The following GRK5 variants were observed in gnomAD, a reference collection of about 807,000 sequenced individuals.
The protein encoded by GRK5 is G protein-coupled receptor kinase 5, also known as g protein-coupled receptor kinase GRK5.
A neutral mutation model predicts 78.4 loss-of-function variants in GRK5; 40 were observed. The observed-to-expected ratio is 0.51, with a 90% CI of 0.40 to 0.66. The LOEUF is 0.66. Among genes scored for constraint, GRK5 ranks in the 30% least tolerant of loss-of-function variants. The pLI is 0.00. For synonymous variants in GRK5, 289 were observed against 296.8 expected (o/e 0.97, Z 0.27); for missense variants, 598 against 759.9 (o/e 0.79, Z 2.50).
chr10:119,304,478 T>A (rs908506231), intron 1 of GRK5, among the ~76,000 whole-genome samples: 2 of 152,016 alleles, frequency 1.3e-5, no homozygotes, highest in African/African-American at 4.8e-5. Flanking sequence ...GTCTGTTGAG[T>A]GCTCACTGCA....
intron 1 of GRK5, among the ~76,000 whole-genome samples, chr10:119,247,046 C>T (rs1308163069): frequency 1.3e-5 from 2 of 152,166 alleles, no homozygotes; most frequent in African/African-American, 2.4e-5. Context: ...TTTTGTACCC[C>T]GTTGCTTTCT....
intron 9 of GRK5, 72 bp from the exon 10 acceptor site, chr10:119,439,659 T>C (rs1165936493): frequency 6.8e-6 from 10 of 1,476,742 alleles, no homozygotes; most frequent in Non-Finnish European, 9.5e-6. Context: ...GCCCGAGGGG[T>C]CGACCCAGAT....
intron 1 of GRK5, among the ~76,000 whole-genome samples, chr10:119,250,551 C>G (rs867216930): frequency 4.3e-5 from 6 of 139,970 alleles, no homozygotes; most frequent in Admixed American, 3.1e-4. Context: ...CAAGGTCTCA[C>G]TTTGTTGCCC....
intron 1 of GRK5, among the ~76,000 whole-genome samples, chr10:119,283,853 A>G (rs180848058): frequency 2.0e-5 from 3 of 152,350 alleles, no homozygotes; most frequent in Admixed American, 6.5e-5. Flanking sequence ...GAATGTTTCA[A>G]GGTTCATCTT....
intron 1 of GRK5, among the ~76,000 whole-genome samples, chr10:119,242,443 C>T (rs1849041501): frequency 6.6e-6 from 1 of 150,940 alleles, no homozygotes; most frequent in African/African-American, 2.4e-5. Context: ...CCTGGCCACA[C>T]CTGAGCTTGT....
Position 119,457,159 on chromosome 10 carries a change from G to GA in GRK5, c.*2096dup, listed in dbSNP as rs1853412255. The GA allele has an allele frequency of 6.6e-6, 1 of 152,044 alleles. No individual in the cohort carries two copies. Among genetic ancestry groups the GA allele is most frequent in the Non-Finnish European group, 1.5e-5 (1 of 68,002 alleles). 9.4% of individuals were successfully genotyped at this position (152,044 alleles called of 1,614,324 possible). A position where few individuals can be genotyped will look rare whatever the true frequency, so the allele number is the denominator to read the frequency against. On this transcript the variant is annotated 3_prime_UTR_variant, in exon 16 of 16. Transcript: ENST00000392870. The stretch of plus-strand genomic sequence containing the variant: ...CTCTTGCTGAACTTCCTTTTTCAAT[G>GA]AAAAGAAGGACCATCATCCTAGGAT...
chr10:119,272,464 T>C (rs1404844537), intron 1 of GRK5, among the ~76,000 whole-genome samples: 1 of 150,560 alleles, frequency 6.6e-6, no homozygotes, highest in Non-Finnish European at 1.5e-5. Context: ...TAATCCCAGC[T>C]ACTCAGGAGG....
chr10:119,273,691 G>C (rs941959786), intron 1 of GRK5, among the ~76,000 whole-genome samples: 3 of 152,204 alleles, frequency 2.0e-5, no homozygotes, highest in African/African-American at 7.2e-5. Flanking sequence ...TGGTGTTTAA[G>C]TGGCTGAGCC....
intron 1 of GRK5, among the ~76,000 whole-genome samples, chr10:119,226,594 G>C (rs977776113): frequency 6.6e-6 from 1 of 150,808 alleles, no homozygotes; most frequent in Non-Finnish European, 1.5e-5. Context: ...GCCCAGGCTG[G>C]AGTACAGTGG....
rs910659860 is a variant in GRK5, at chr10:119,379,054, C to A, written c.149-1761C>A. 6.6e-6 allele frequency among the ~76,000 whole-genome samples: 1 copy of A among 152,138 alleles called. No individual in the cohort carries two copies. The highest frequency in any genetic ancestry group is 2.4e-5 in the African/African-American group (1 of 41,414). Reference sequence around the variant, plus strand: ...TCAGCTCCCCTTTTAGATTCAGAGGCTTGGGTTGAATTGGTGCAGACTGGG... The same window carrying A: ...TCAGCTCCCCTTTTAGATTCAGAGGATTGGGTTGAATTGGTGCAGACTGGG... On this transcript the variant is annotated intron_variant, in intron 2 of 15. Coordinates refer to ENST00000392870, the MANE Select transcript of GRK5 (RefSeq NM_005308.3). The surrounding 1 kb of genome is among the most constrained non-coding windows in gnomAD (Gnocchi z 4.1).
intron 1 of GRK5, among the ~76,000 whole-genome samples, chr10:119,311,335 G>A (rs1350654811): frequency 6.6e-6 from 1 of 152,202 alleles, no homozygotes; most frequent in African/African-American, 2.4e-5. Context: ...AGATGAGACA[G>A]AGCCTGGCAG....
At chr10:119,310,505 GC>G (rs1850340445) in intron 1 of GRK5, among the ~76,000 whole-genome samples, 1 of 152,168 alleles carries the variant, frequency 6.6e-6, no homozygotes, top group Non-Finnish European at 1.5e-5. Context: ...ACCAGTGTGG[GC>G]AAAAACATCG....
intron 1 of GRK5, among the ~76,000 whole-genome samples, chr10:119,319,216 G>A (rs1197229431): frequency 6.6e-6 from 1 of 152,200 alleles, no homozygotes; most frequent in African/African-American, 2.4e-5. Context: ...GCAGCCGAGG[G>A]GGCCCCCAGG....
chr10:119,270,642 G>A (rs1849569358), intron 1 of GRK5, among the ~76,000 whole-genome samples: 1 of 152,226 alleles, frequency 6.6e-6, no homozygotes, highest in African/African-American at 2.4e-5. Flanking sequence ...GCAGGTGCAG[G>A]TCTGTCATGC....
intron 4 of GRK5, among the ~76,000 whole-genome samples, chr10:119,413,566 G>T (rs149199537): frequency 3.3e-5 from 5 of 151,926 alleles, no homozygotes; most frequent in African/African-American, 9.7e-5. Context: ...CTTGCTAAGC[G>T]TTCCGTCTGC....
intron 9 of GRK5, among the ~76,000 whole-genome samples, chr10:119,437,897 A>C (rs369611541): frequency 6.6e-6 from 1 of 152,170 alleles, no homozygotes; most frequent in Admixed American, 6.5e-5. Context: ...CAGTGGTTTG[A>C]GATCAGCCTG....
intron 1 of GRK5, among the ~76,000 whole-genome samples, chr10:119,295,066 T>C (rs10437460): frequency 0.19 from 28,440 of 151,770 alleles, 2,898 homozygotes; most frequent in South Asian, 0.24. Context: ...GGCATGCACC[T>C]GTAGTCCCAG....
At chr10:119,440,255 A>G (rs1311095337) in intron 10 of GRK5, among the ~76,000 whole-genome samples, 3 of 152,152 alleles carry the variant, frequency 2.0e-5, no homozygotes, top group Non-Finnish European at 2.9e-5. Flanking sequence ...CCAGCTGTAA[A>G]TGTCTCAGGC....
intron 1 of GRK5, among the ~76,000 whole-genome samples, chr10:119,259,065 C>CTTTTTTT (rs397950981): frequency 6.1e-5 from 8 of 130,158 alleles, no homozygotes; most frequent in African/African-American, 8.6e-5. Context: ...CTTTCTTTTT[C>CTTTTTTT]TTTTTTTTTT....
Sources: allele counts gnomAD v4.1 joint callset (sites outside exome capture counted in the v4.1 genomes callset), GRCh38; gene constraint gnomAD v4.1.1; non-coding constraint Gnocchi (gnomAD v3.1); transcripts MANE v1.5; gene names NCBI Gene and HGNC (gene_info 2026-07-23, HGNC 2026-07-21).